Variants in MBD5 observed in about 807,000 individuals in gnomAD.
The protein encoded by MBD5 is methyl-CpG-binding domain protein 5.
MBD5 carries 13 observed loss-of-function variants against 117.3 expected under a neutral mutation model. The observed-to-expected ratio is 0.11, with a 90% CI of 0.07 to 0.18. The LOEUF is 0.18. Ranked by LOEUF, MBD5 falls within the 10% of genes least tolerant of loss-of-function variation. The probability of loss-of-function intolerance (pLI) is 1.00; values close to 1 mark genes in which losing one functional copy is unlikely to be tolerated. For synonymous variants in MBD5, 727 were observed against 766.4 expected (o/e 0.95, Z 0.85); for missense variants, 1,879 against 2,093.8 (o/e 0.90, Z 2.00).
At chr2:148,126,421 A>G (rs2105439283) in intron 1 of MBD5, among the ~76,000 whole-genome samples, 1 of 151,922 alleles carries the variant, frequency 6.6e-6, no homozygotes, top group East Asian at 1.9e-4. Flanking sequence ...AAAAAAAAAA[A>G]AAAAGTAGGT....
chr2:148,043,789 C>A (rs1039881799), intron 1 of MBD5, among the ~76,000 whole-genome samples: 7 of 152,110 alleles, frequency 4.6e-5, no homozygotes, highest in Non-Finnish European at 8.8e-5. Context: ...TATTTTAGAT[C>A]CTGGGTCTGT....
At chr2:148,468,074 T>C (rs1018179287) in intron 7 of MBD5, among the ~76,000 whole-genome samples, 1 of 152,138 alleles carries the variant, frequency 6.6e-6, no homozygotes, top group Non-Finnish European at 1.5e-5. Context: ...TCTCAACAGA[T>C]AAAGAGTAAA....
At chr2:148,443,939 G>A (rs1217568253) in intron 4 of MBD5, among the ~76,000 whole-genome samples, 1 of 151,234 alleles carries the variant, frequency 6.6e-6, no homozygotes, top group Non-Finnish European at 1.5e-5. Context: ...TTGACATGAT[G>A]GATACCCCAT....
rs191268038 is a variant in MBD5 at position 148,328,481 on chromosome 2, G to C, written c.-679-13733G>C. Among the ~76,000 whole-genome samples the C allele has an allele frequency of 3.3e-3, 509 of 152,352 alleles. 9 individuals are homozygous for C. The highest frequency in any genetic ancestry group is 0.031 in the Admixed American group (471 of 15,308). On this transcript the variant is annotated intron_variant, in intron 3 of 13. Coordinates refer to ENST00000642680, the MANE Select transcript of MBD5 (RefSeq NM_001378120.1). ...AGTTTGATCTCAGACTGCTGTGCTA[G>C]CAATCAGCCAGACTCTGTGGGCGTA...
At chr2:148,070,360 C>T (rs1270017539) in intron 1 of MBD5, among the ~76,000 whole-genome samples, 1 of 152,178 alleles carries the variant, frequency 6.6e-6, no homozygotes, top group African/African-American at 2.4e-5. Flanking sequence ...ATATTGGTAG[C>T]ATGTTTGCTA....
intron 2 of MBD5, among the ~76,000 whole-genome samples, chr2:148,226,012 CTG>C (rs1168920584): frequency 6.6e-6 from 1 of 152,062 alleles, no homozygotes; most frequent in Non-Finnish European, 1.5e-5. Context: ...GGGAAGTTCT[CTG>C]TTGCTATTCA....
chr2:148,387,281 A>AT (rs1267099000), intron 4 of MBD5, among the ~76,000 whole-genome samples: 12 of 152,184 alleles, frequency 7.9e-5, no homozygotes, highest in Non-Finnish European at 1.2e-4. Flanking sequence ...TATTTAGCAT[A>AT]TTAACAGATT....
At chr2:148,067,999 A>G (rs1459290685) in intron 1 of MBD5, among the ~76,000 whole-genome samples, 1 of 152,202 alleles carries the variant, frequency 6.6e-6, no homozygotes, top group Non-Finnish European at 1.5e-5. Context: ...TAGCACTACA[A>G]ACACCTGGCA....
chr2:148,363,696 CAT>C (rs1703611211), intron 4 of MBD5, among the ~76,000 whole-genome samples: 1 of 152,042 alleles, frequency 6.6e-6, no homozygotes, highest in African/African-American at 2.4e-5. Context: ...CTTCATGAAG[CAT>C]ACACAAGTAT....
intron 4 of MBD5, among the ~76,000 whole-genome samples, chr2:148,363,090 G>T (rs1196473315): frequency 6.6e-6 from 1 of 152,128 alleles, no homozygotes; most frequent in East Asian, 1.9e-4. Flanking sequence ...TCCTCCAAGT[G>T]ATCACAACTC....
chr2:148,153,693 T>C (rs1430716878), intron 1 of MBD5, among the ~76,000 whole-genome samples: 31 of 145,142 alleles, frequency 2.1e-4, no homozygotes, highest in African/African-American at 7.9e-4. Flanking sequence ...ATTCATTTCA[T>C]CTTCCATCAC....
intron 1 of MBD5, among the ~76,000 whole-genome samples, chr2:148,024,193 A>T (rs1693839350): frequency 6.6e-6 from 1 of 152,192 alleles, no homozygotes; most frequent in Non-Finnish European, 1.5e-5. Context: ...CTTTAAAGCT[A>T]TTATTTTGTC....
In MBD5 at chr2:148,483,271, C is replaced by G; in HGVS notation, c.2680C>G (p.Gln894Glu). ...TGGGAGTGATTTTCCTTTTGTTGGC[C>G]AGGAGCACGCACTTCATTTTCCATC... ...PIGSDFPFVGQEHALHFPSNS... is the reference protein window; with the variant it reads ...PIGSDFPFVGEEHALHFPSNS... The change falls in exon 9 of 14, where the codon CAG (glutamine) becomes GAG (glutamate). Residue 894 changes from glutamine (Q) to glutamate (E), a missense_variant. Around this residue, in one of 4 missense-constraint regions of MBD5, gnomAD observed 1,666 missense variants for 1,792.2 expected, o/e 0.93. Coordinates refer to ENST00000642680, the MANE Select transcript of MBD5 (RefSeq NM_001378120.1). 6.2e-7 allele frequency: 1 copy of G among 1,614,006 alleles called. No homozygotes were observed. The highest frequency in any genetic ancestry group is 8.5e-7 in the Non-Finnish European group (1 of 1,179,990).
At chr2:148,376,534 TG>T (rs904870936) in intron 4 of MBD5, among the ~76,000 whole-genome samples, 2 of 150,608 alleles carry the variant, frequency 1.3e-5, no homozygotes, top group Admixed American at 1.3e-4. Context: ...CCCAAAGTGC[TG>T]GGATTACAGG....
intron 4 of MBD5, among the ~76,000 whole-genome samples, chr2:148,387,242 A>C (rs1704401175): frequency 6.6e-6 from 1 of 152,182 alleles, no homozygotes; most frequent in Admixed American, 6.5e-5. Context: ...CAAAGAATAC[A>C]AGTATGGTTT....
chr2:148,497,803 AC>A (rs1381426342), intron 11 of MBD5, among the ~76,000 whole-genome samples: 2 of 150,766 alleles, frequency 1.3e-5, no homozygotes, highest in Non-Finnish European at 2.9e-5. Flanking sequence ...AAAAAAAAAA[AC>A]TAAAAAAGAA....
intron 1 of MBD5, among the ~76,000 whole-genome samples, chr2:148,041,646 A>G (rs558007348): frequency 3.3e-4 from 51 of 152,288 alleles, no homozygotes; most frequent in Non-Finnish European, 6.2e-4. Flanking sequence ...CACGTTACAC[A>G]CTTATGCATA....
intron 3 of MBD5, among the ~76,000 whole-genome samples, chr2:148,291,254 T>G (rs1291703475): frequency 6.6e-6 from 1 of 152,208 alleles, no homozygotes; most frequent in Non-Finnish European, 1.5e-5. Context: ...GCTGGGAGTT[T>G]GATAGAGATT....
At position 148,378,114 on chromosome 2, in the gene MBD5, A is replaced by G. The variant is rs184153292; in HGVS notation, c.-557+35778A>G. ...ATGCAGGGAACTGTAGATAAGCCAT[A>G]TGAATTGCCTTTTTCTTTTAATGCA... is the stretch of plus-strand genomic sequence containing the variant. On this transcript the variant is annotated intron_variant, in intron 4 of 13. Transcript: ENST00000642680. Among the ~76,000 whole-genome samples the G allele has an allele frequency of 8.5e-4, 129 of 152,312 alleles. 1 individual carries two copies. The highest frequency in any genetic ancestry group is 6.8e-3 in the Middle Eastern group (2 of 294).
Sources: gnomAD v4.1 joint callset for allele counts (sites outside exome capture counted in the v4.1 genomes callset) on GRCh38, gnomAD v4.1.1 for gene constraint, gnomAD v4.1.1 regional missense constraint, MANE v1.5 for transcripts, NCBI Gene and HGNC (gene_info 2026-07-23, HGNC 2026-07-21) for gene names.